Variants in HPSE2 observed in about 807,000 individuals in gnomAD.
HPSE2 encodes the protein inactive heparanase-2.
A neutral mutation model predicts 60.5 loss-of-function variants in HPSE2; 38 were observed. The ratio of observed to expected loss-of-function variants is 0.63; its 90% CI spans 0.48 to 0.82. HPSE2 has a LOEUF of 0.82. Ranked by LOEUF, HPSE2 falls within the 40% of genes least tolerant of loss-of-function variation. The probability of loss-of-function intolerance (pLI) is 0.00; values close to 1 mark genes in which losing one functional copy is unlikely to be tolerated. For missense variants in HPSE2, 713 were observed against 740.4 expected (o/e 0.96, Z 0.43); for synonymous variants, 295 against 293.2 (o/e 1.01, Z -0.06).
intron 3 of HPSE2, among the ~76,000 whole-genome samples, chr10:98,917,481 T>C (rs1057172146): frequency 1.3e-5 from 2 of 152,226 alleles, no homozygotes; most frequent in Non-Finnish European, 2.9e-5. Flanking sequence ...AAATCAATCC[T>C]GAAATAGGAC....
chr10:98,561,743 G>C (rs780830676), intron 9 of HPSE2, among the ~76,000 whole-genome samples: 1 of 152,140 alleles, frequency 6.6e-6, no homozygotes, highest in Non-Finnish European at 1.5e-5. Flanking sequence ...AGCTACTTAC[G>C]AGGTTGAGGC....
At chr10:98,575,308 C>T (rs568734698) in intron 9 of HPSE2, among the ~76,000 whole-genome samples, 2 of 152,198 alleles carry the variant, frequency 1.3e-5, no homozygotes, top group African/African-American at 4.8e-5. Flanking sequence ...TCTCAGGGTA[C>T]CCATTTTCCA....
chr10:98,638,481 T>C (rs1419472432), intron 7 of HPSE2, among the ~76,000 whole-genome samples: 1 of 152,066 alleles, frequency 6.6e-6, no homozygotes, highest in Non-Finnish European at 1.5e-5. Flanking sequence ...AAACCTAACT[T>C]GGCCCATCTC....
At chr10:98,864,307 A>C (rs550648625) in intron 3 of HPSE2, among the ~76,000 whole-genome samples, 1 of 152,208 alleles carries the variant, frequency 6.6e-6, no homozygotes, top group South Asian at 2.1e-4. Flanking sequence ...CCTCCATGAA[A>C]TTTTAATACT....
chr10:98,620,541 A>C, intron 8 of HPSE2, 61 bp downstream of exon 8: 2 of 1,210,198 alleles, frequency 1.7e-6, no homozygotes, highest in Non-Finnish European at 2.5e-6. Context: ...CAGCAACACC[A>C]GAGATTCACT....
intron 4 of HPSE2, among the ~76,000 whole-genome samples, chr10:98,730,526 G>A (rs1022516744): frequency 4.0e-5 from 6 of 151,884 alleles, no homozygotes; most frequent in South Asian, 2.1e-4. Flanking sequence ...CAGGGAAAGC[G>A]AAAGTTGGTT....
At chr10:98,763,726 A>G (rs950986417) in intron 3 of HPSE2, among the ~76,000 whole-genome samples, 4 of 151,882 alleles carry the variant, frequency 2.6e-5, no homozygotes, top group Non-Finnish European at 4.4e-5. Context: ...AGAAAAGACT[A>G]TATCTAGAGA....
At chr10:98,502,313 T>C (rs1344803584) in intron 9 of HPSE2, among the ~76,000 whole-genome samples, 2 of 152,138 alleles carry the variant, frequency 1.3e-5, no homozygotes, top group African/African-American at 2.4e-5. Context: ...TATTAGGCCA[T>C]AGTCACCAAA....
At chr10:99,058,702 C>G (rs1958168161) in intron 3 of HPSE2, among the ~76,000 whole-genome samples, 1 of 152,142 alleles carries the variant, frequency 6.6e-6, no homozygotes, top group Non-Finnish European at 1.5e-5. Context: ...CAACCAGTAA[C>G]TGTCATAATA....
intron 3 of HPSE2, among the ~76,000 whole-genome samples, chr10:98,823,575 A>C (rs1462777504): frequency 1.3e-5 from 2 of 152,214 alleles, no homozygotes; most frequent in Non-Finnish European, 2.9e-5. Context: ...GCAGTGAGCT[A>C]TGATCATGCC....
intron 9 of HPSE2, among the ~76,000 whole-genome samples, chr10:98,570,107 A>G (rs1169590588): frequency 6.6e-6 from 1 of 152,154 alleles, no homozygotes; most frequent in Non-Finnish European, 1.5e-5. Context: ...GGTCTCTGCA[A>G]AGGTTCCTCC....
chr10:98,611,684 G>A (rs1350029157), intron 9 of HPSE2, among the ~76,000 whole-genome samples: 2 of 152,294 alleles, frequency 1.3e-5, no homozygotes, highest in South Asian at 4.2e-4. Flanking sequence ...GTCTAGCCTT[G>A]TAAATTCCTT....
chr10:98,697,849 A>G (rs1281755932), intron 5 of HPSE2, among the ~76,000 whole-genome samples: 1 of 152,182 alleles, frequency 6.6e-6, no homozygotes, highest in Non-Finnish European at 1.5e-5. Flanking sequence ...GTGGGGGCCA[A>G]TATTCAACAT....
chr10:99,154,074 C>T (rs972511550), intron 2 of HPSE2, among the ~76,000 whole-genome samples: 3 of 150,722 alleles, frequency 2.0e-5, no homozygotes, highest in African/African-American at 7.3e-5. Flanking sequence ...AAGAAATGAG[C>T]AAAGCCTCCA....
At chr10:99,124,146 G>C (rs1232736029) in intron 3 of HPSE2, among the ~76,000 whole-genome samples, 1 of 152,170 alleles carries the variant, frequency 6.6e-6, no homozygotes, top group African/African-American at 2.4e-5. Context: ...GTCCTCAGTG[G>C]AGAGGAGACC....
At chr10:99,161,218 T>TAAA (rs79998038) in intron 2 of HPSE2, among the ~76,000 whole-genome samples, 2 of 132,814 alleles carry the variant, frequency 1.5e-5, no homozygotes, top group Non-Finnish European at 1.6e-5. Context: ...GAGACTCTGT[T>TAAA]AAAAAAAAAA....
intron 9 of HPSE2, among the ~76,000 whole-genome samples, chr10:98,594,100 G>T (rs913319907): frequency 6.6e-6 from 1 of 152,042 alleles, no homozygotes; most frequent in African/African-American, 2.4e-5. Context: ...TTGTGAAACA[G>T]CTAAATCAAG....
At chr10:99,071,360 G>A (rs528426594) in intron 3 of HPSE2, among the ~76,000 whole-genome samples, 21 of 152,164 alleles carry the variant, frequency 1.4e-4, no homozygotes, top group South Asian at 6.2e-4. Flanking sequence ...ATAAGCCGCC[G>A]TGCCTGGCCT....
chr10:98,808,417 A>C (rs1951091567), intron 3 of HPSE2, among the ~76,000 whole-genome samples: 1 of 152,150 alleles, frequency 6.6e-6, no homozygotes. Flanking sequence ...TTACAGCTTC[A>C]TCCAGCCTAT....
Sources: allele counts gnomAD v4.1 joint callset (sites outside exome capture counted in the v4.1 genomes callset), GRCh38; gene constraint gnomAD v4.1.1; transcripts MANE v1.5; gene names NCBI Gene and HGNC (gene_info 2026-07-23, HGNC 2026-07-21).